The following PCDHGB2 variants were observed in gnomAD, a reference collection of about 807,000 sequenced individuals.
PCDHGB2 encodes the protein protocadherin gamma-B2.
PCDHGB2 carries 55 observed loss-of-function variants against 59.3 expected under a neutral mutation model. That is an observed-to-expected ratio of 0.93 (90% CI 0.75 to 1.16). The LOEUF is 1.16. Among genes scored for constraint, PCDHGB2 ranks in the 50% most tolerant of loss-of-function variants. The pLI, the probability that PCDHGB2 is intolerant of heterozygous loss-of-function variation, is 0.00. For missense variants in PCDHGB2, 1,228 were observed against 1,198.5 expected, an observed-to-expected ratio of 1.02 and a Z score of -0.36; for synonymous variants, 516 against 512.0, an observed-to-expected ratio of 1.01 and a Z score of -0.11.
intron 1 of PCDHGB2, chr5:141,419,386 G>T: frequency 2.5e-6 from 4 of 1,613,650 alleles, no homozygotes; most frequent in Non-Finnish European, 3.4e-6. Context: ...CCGTGAGCGC[G>T]CAGAGCGGGG....
In PCDHGB2 at chr5:141,423,081, C is replaced by T. The variant is rs1393904828; in HGVS notation, c.2421+60525C>T. 3.1e-6 allele frequency: 5 copies of T among 1,613,966 alleles called. No individual in the cohort carries two copies. The African/African-American group carries it at 4.0e-5, about 13-fold the overall frequency. ...TTAAGGCCAGCGAGCCGGGACTCTT[C>T]GCGGTGGGGGAGCACACGGGCGAGG... is the stretch of plus-strand genomic sequence containing the variant. On this transcript the variant is annotated intron_variant, in intron 1 of 3. Coordinates refer to ENST00000522605, the MANE Select transcript of PCDHGB2 (RefSeq NM_018923.3).
chr5:141,409,928 G>C (rs2095338081), intron 1 of PCDHGB2: 1 of 1,613,354 alleles, frequency 6.2e-7, no homozygotes, highest in Non-Finnish European at 8.5e-7. Context: ...CGCGTTCTTC[G>C]ATATGGTACC....
Position 141,485,731 on chromosome 5 carries a change from C to T in PCDHGB2, c.2422-9076C>T, listed in dbSNP as rs1440070106. The T allele has an allele frequency of 1.9e-6, 3 of 1,614,036 alleles. No individual in the cohort carries two copies. The highest frequency in any genetic ancestry group is 2.2e-5 in the South Asian group (2 of 91,080). On this transcript the variant is annotated intron_variant, in intron 1 of 3. Transcript: ENST00000522605. This position sits in a 1 kb window ranked among gnomAD's most constrained non-coding sequence, Gnocchi z 5.7. ...TTGCACTGGATGTGAAGAAGCGCAG[C>T]GACGGCAGCCTGGTCCCAGAGCTGC...
chr5:141,495,424 A>G (rs927637242), intron 2 of PCDHGB2, among the ~76,000 whole-genome samples: 2 of 152,088 alleles, frequency 1.3e-5, no homozygotes, highest in Non-Finnish European at 2.9e-5. Flanking sequence ...CCCTCCTCCC[A>G]CTGTCCTCTG....
intron 1 of PCDHGB2, chr5:141,371,832 G>T (rs765040359): frequency 6.2e-7 from 1 of 1,613,780 alleles, no homozygotes. Flanking sequence ...CTCGGATCCC[G>T]ACTTGGGACC....
At chr5:141,450,608 T>A (rs916441293) in intron 1 of PCDHGB2, among the ~76,000 whole-genome samples, 1 of 151,894 alleles carries the variant, frequency 6.6e-6, no homozygotes, top group East Asian at 1.9e-4. Flanking sequence ...TGCCTCAGCC[T>A]CCTGAGTAGC....
intron 1 of PCDHGB2, among the ~76,000 whole-genome samples, chr5:141,461,231 T>C (rs1042368465): frequency 6.6e-5 from 10 of 152,068 alleles, no homozygotes; most frequent in African/African-American, 2.4e-4. Context: ...TCCATAGAGG[T>C]TGTACTAATT....
intron 1 of PCDHGB2, chr5:141,409,410 A>G (rs1465791228): frequency 6.2e-7 from 1 of 1,614,036 alleles, no homozygotes; most frequent in African/African-American, 1.3e-5. Flanking sequence ...AACTACTACA[A>G]ACTGGTGACA....
chr5:141,374,825 C>G (rs11575953), intron 1 of PCDHGB2: 15 of 1,613,780 alleles, frequency 9.3e-6, no homozygotes, highest in Middle Eastern at 1.6e-4. Context: ...GCCTGTCTAC[C>G]GTGTAAGTGT....
In PCDHGB2 at chr5:141,374,216, G is replaced by A. The variant is rs745786041; in HGVS notation, c.2421+11660G>A. On this transcript the variant is annotated intron_variant, in intron 1 of 3. Transcript: ENST00000522605. The stretch of plus-strand genomic sequence containing the variant: ...CGAGGAGCTGGAGAAAGGCTCCTTC[G>A]TAGGCAACATCGTCAAGGATCTGGG... The A allele has an allele frequency of 5.6e-6, 9 of 1,613,860 alleles. No individual in the cohort carries two copies. In the South Asian group the frequency reaches 7.7e-5, roughly 14 times the overall value.
At chr5:141,410,105 A>G in intron 1 of PCDHGB2, 1 of 1,612,376 alleles carries the variant, frequency 6.2e-7, no homozygotes, top group South Asian at 1.1e-5. Context: ...CTTAGGCGAC[A>G]GGGACGCAGC....
In PCDHGB2 at chr5:141,414,961, G is replaced by A. The variant is rs1357376957; in HGVS notation, c.2421+52405G>A. Reference sequence around the variant, plus strand: ...GCCCGGCTACCTGGTGACCAAGGTGGTGGCGGTGGACAGAGACTCCGGCCA... The same window carrying A: ...GCCCGGCTACCTGGTGACCAAGGTGATGGCGGTGGACAGAGACTCCGGCCA... On this transcript the variant is annotated intron_variant, in intron 1 of 3. Transcript: ENST00000522605. 2.5e-6 allele frequency: 4 copies of A among 1,614,028 alleles called. No individual in the cohort carries two copies. In the Admixed American group the frequency reaches 6.7e-5, roughly 27 times the overall value.
chr5:141,392,836 C>G, intron 1 of PCDHGB2: 1 of 1,608,040 alleles, frequency 6.2e-7, no homozygotes, highest in Non-Finnish European at 8.5e-7. Flanking sequence ...CAGAGTCGCC[C>G]CAGACGCGGC....
intron 1 of PCDHGB2, chr5:141,373,873 G>C: frequency 2.1e-6 from 1 of 480,742 alleles, no homozygotes; most frequent in Admixed American, 3.9e-5. Context: ...ACCTGGGCAA[G>C]AAAATCAACG....
At chr5:141,389,842 C>T (rs779733638) in intron 1 of PCDHGB2, 21 of 1,614,018 alleles carry the variant, frequency 1.3e-5, no homozygotes, top group Non-Finnish European at 1.7e-5. Context: ...CCACCACTCT[C>T]GGCCACTGCC....
chr5:141,475,899 T>A, intron 1 of PCDHGB2: 1 of 574,766 alleles, frequency 1.7e-6, no homozygotes. Flanking sequence ...TGTGTGCCGC[T>A]GTCGGCCAAT....
intron 1 of PCDHGB2, among the ~76,000 whole-genome samples, chr5:141,452,094 G>A (rs760924457): frequency 6.6e-6 from 1 of 152,162 alleles, no homozygotes; most frequent in South Asian, 2.1e-4. Context: ...CAGTAAGAAA[G>A]AGCTTTCTTT....
intron 1 of PCDHGB2, among the ~76,000 whole-genome samples, chr5:141,380,036 A>G (rs956010393): frequency 3.3e-5 from 5 of 151,364 alleles, no homozygotes; most frequent in African/African-American, 1.2e-4. Flanking sequence ...AGTAGCTGGG[A>G]TTACAGGTGC....
At position 141,372,429 on chromosome 5, in the gene PCDHGB2, C is replaced by T. The variant is rs754379317; in HGVS notation, c.2421+9873C>T. The T allele has an allele frequency of 2.5e-6, 4 of 1,614,042 alleles. No individual in the cohort carries two copies. In the Admixed American group the frequency reaches 6.7e-5, roughly 27 times the overall value. ...GATACAACCTGACCTTAGCGACCGC[C>T]CCACTCCCTCTGACCCTCAGGCGGA... On this transcript the variant is annotated intron_variant, in intron 1 of 3. Transcript: ENST00000522605.
Sources: allele counts gnomAD v4.1 joint callset (sites outside exome capture counted in the v4.1 genomes callset), GRCh38; gene constraint gnomAD v4.1.1; non-coding constraint Gnocchi (gnomAD v3.1); transcripts MANE v1.5; gene names NCBI Gene and HGNC (gene_info 2026-07-23, HGNC 2026-07-21).